Variants in MAF observed in about 807,000 individuals in gnomAD.
MAF encodes MAF bZIP transcription factor.
A neutral mutation model predicts 22.0 loss-of-function variants in MAF; 10 were observed. That is an observed-to-expected ratio of 0.45 (90% CI 0.28 to 0.77). The LOEUF (loss-of-function observed/expected upper bound fraction) is 0.77, where lower values mean the gene tolerates loss of function less well. Among genes scored for constraint, MAF ranks in the 30% least tolerant of loss-of-function variants. The probability of loss-of-function intolerance (pLI) is 0.12; values close to 1 mark genes in which losing one functional copy is unlikely to be tolerated. For missense variants in MAF, 544 were observed against 548.4 expected (o/e 0.99, Z 0.08); for synonymous variants, 337 against 255.8 (o/e 1.32, Z -3.03).
downstream of MAF, among the ~76,000 whole-genome samples, chr16:79,590,992 G>A (rs1267367974): frequency 1.3e-5 from 2 of 152,080 alleles, no homozygotes; most frequent in Non-Finnish European, 2.9e-5. Context: ...TTGCAAAAAG[G>A]GACTCTGAAC....
the MAF span, among the ~76,000 whole-genome samples, chr16:79,248,235 G>A: frequency 1.3e-5 from 2 of 151,564 alleles, no homozygotes; most frequent in African/African-American, 2.4e-5. Flanking sequence ...AGAGTTAAGA[G>A]AGCCACTTAG....
Position 79,594,159 on chromosome 16 carries a change from A to C in MAF, c.*301T>G. The C allele has an allele frequency of 2.5e-6, 1 of 400,036 alleles. No individual in the cohort carries two copies. The highest frequency in any genetic ancestry group is 4.6e-6 in the Non-Finnish European group (1 of 216,122). The allele number at this position is 400,036 out of a possible 1,614,324, so 24.8% of individuals were successfully genotyped here. A position where few individuals can be genotyped will look rare whatever the true frequency, so the allele number is the denominator to read the frequency against. ...GAAACTTTCCATTATATATATGCAT[A>C]TATATGTATCTTTGTAATTTCAGTG... On this transcript the variant is annotated 3_prime_UTR_variant, in exon 2 of 2. Transcript: ENST00000326043.
the MAF span, among the ~76,000 whole-genome samples, chr16:79,269,451 G>A: frequency 6.6e-6 from 1 of 152,132 alleles, no homozygotes; most frequent in African/African-American, 2.4e-5. Flanking sequence ...GCGAATGGAG[G>A]TATGGGTGGG....
At chr16:79,461,389 C>T in the MAF span, among the ~76,000 whole-genome samples, 1 of 152,138 alleles carries the variant, frequency 6.6e-6, no homozygotes, top group East Asian at 1.9e-4. Flanking sequence ...CAAGGGACAA[C>T]TTGGGAACCC....
At chr16:79,437,692 T>A in the MAF span, among the ~76,000 whole-genome samples, 1 of 152,006 alleles carries the variant, frequency 6.6e-6, no homozygotes, top group African/African-American at 2.4e-5. Flanking sequence ...AACCCTGGCA[T>A]TACTCTCTGC....
chr16:79,424,920 AG>A, the MAF span, among the ~76,000 whole-genome samples: 1 of 152,220 alleles, frequency 6.6e-6, no homozygotes, highest in Non-Finnish European at 1.5e-5. Flanking sequence ...AGATGAACAC[AG>A]GAGAAAATAC....
the MAF span, among the ~76,000 whole-genome samples, chr16:79,444,346 G>A: frequency 2.0e-5 from 3 of 152,052 alleles, no homozygotes; most frequent in South Asian, 2.1e-4. Context: ...CAATGCATAC[G>A]TATTATTTTA....
chr16:79,238,848 C>G, the MAF span, among the ~76,000 whole-genome samples: 2 of 151,934 alleles, frequency 1.3e-5, no homozygotes, highest in African/African-American at 4.8e-5. Context: ...AGGATTTGAA[C>G]TTGACCCCAC....
chr16:79,362,397 T>A, the MAF span, among the ~76,000 whole-genome samples: 1 of 152,140 alleles, frequency 6.6e-6, no homozygotes, highest in African/African-American at 2.4e-5. Flanking sequence ...CAGAGGGAGA[T>A]CCCAGTGCTT....
downstream of MAF, among the ~76,000 whole-genome samples, chr16:79,589,305 C>T (rs567424303): frequency 1.3e-5 from 2 of 152,250 alleles, no homozygotes; most frequent in South Asian, 2.1e-4. Context: ...CTCATCCTGG[C>T]GCTGTTGGAG....
chr16:79,441,175 T>C, the MAF span, among the ~76,000 whole-genome samples: 8 of 152,218 alleles, frequency 5.3e-5, no homozygotes, highest in Non-Finnish European at 1.2e-4. Context: ...ACTTACACCA[T>C]TGCACACAAT....
chr16:79,369,015 G>T, the MAF span, among the ~76,000 whole-genome samples: 1 of 152,188 alleles, frequency 6.6e-6, no homozygotes, highest in Non-Finnish European at 1.5e-5. Flanking sequence ...ATGTCTATCC[G>T]CTTTGTTCTT....
At chr16:79,390,174 T>G in the MAF span, among the ~76,000 whole-genome samples, 1 of 152,008 alleles carries the variant, frequency 6.6e-6, no homozygotes, top group Non-Finnish European at 1.5e-5. Flanking sequence ...AGCACTCGAA[T>G]GGACTGGGCG....
At chr16:79,506,702 C>T in the MAF span, among the ~76,000 whole-genome samples, 1 of 152,104 alleles carries the variant, frequency 6.6e-6, no homozygotes, top group Non-Finnish European at 1.5e-5. Context: ...GCATGGTGCA[C>T]CTAGAGGGGC....
rs1913962857 is a variant in MAF, at chr16:79,600,401, C to A, written c.-499G>T. 1 of 197,358 alleles carries A rather than the reference C, an allele frequency of 5.1e-6. No individual in the cohort carries two copies. Among genetic ancestry groups the A allele is most frequent in the African/African-American group, 2.4e-5 (1 of 42,450 alleles). 12.2% of individuals were successfully genotyped at this position (197,358 alleles called of 1,614,324 possible). ...TCGGGGCTGGAGGCGCGGCGGGCGTCTGTCCGGGCGGCGCGGGCCTTGGCA... is the reference window on the plus strand; with the variant it reads ...TCGGGGCTGGAGGCGCGGCGGGCGTATGTCCGGGCGGCGCGGGCCTTGGCA... On this transcript the variant is annotated 5_prime_UTR_variant, in exon 1 of 2. Coordinates refer to ENST00000326043, the MANE Select transcript of MAF (RefSeq NM_005360.5).
At chr16:79,224,153 T>C in the MAF span, among the ~76,000 whole-genome samples, 1 of 152,164 alleles carries the variant, frequency 6.6e-6, no homozygotes, top group Admixed American at 6.6e-5. Flanking sequence ...ATCAAAAAGC[T>C]TATGCACCAC....
chr16:79,597,108 G>A, intron 1 of MAF: 1 of 1,058,906 alleles, frequency 9.4e-7, no homozygotes, highest in South Asian at 4.6e-5. Context: ...AGCACATGCT[G>A]TATAAGCTAC....
chr16:79,552,638 C>T, the MAF span, among the ~76,000 whole-genome samples: 1 of 152,176 alleles, frequency 6.6e-6, no homozygotes, highest in African/African-American at 2.4e-5. Flanking sequence ...CCCCCTTGGG[C>T]CCCTCGGTGT....
chr16:79,293,327 C>T, the MAF span, among the ~76,000 whole-genome samples: 4 of 152,098 alleles, frequency 2.6e-5, no homozygotes, highest in Non-Finnish European at 5.9e-5. Flanking sequence ...AGGGACCTCA[C>T]TCACATGGGC....
Sources: allele counts gnomAD v4.1 joint callset (sites outside exome capture counted in the v4.1 genomes callset), GRCh38; gene constraint gnomAD v4.1.1; transcripts MANE v1.5; gene names NCBI Gene and HGNC (gene_info 2026-07-23, HGNC 2026-07-21).